Variants in ZNF804A observed in about 807,000 individuals in gnomAD.
ZNF804A encodes the protein zinc finger protein 804A.
A neutral mutation model predicts 16.5 loss-of-function variants in ZNF804A; 2 were observed. That is an observed-to-expected ratio of 0.12 (90% confidence interval 0.05 to 0.38). ZNF804A has a LOEUF of 0.38. ZNF804A is among the 10% of genes least tolerant of loss of function. The pLI is 0.99. For synonymous variants in ZNF804A, 534 were observed against 489.6 expected (o/e 1.09, Z -1.20); for missense variants, 1,473 against 1,390.7 (o/e 1.06, Z -0.94).
chr2:184,662,620 A>G (rs933671275), intron 1 of ZNF804A, among the ~76,000 whole-genome samples: 1 of 152,206 alleles, frequency 6.6e-6, no homozygotes, highest in African/African-American at 2.4e-5. Flanking sequence ...GCTGGTGCTG[A>G]GGTTAACTTT....
At chr2:184,612,123 C>T (rs142406064) in intron 1 of ZNF804A, among the ~76,000 whole-genome samples, 5 of 151,860 alleles carry the variant, frequency 3.3e-5, no homozygotes, top group African/African-American at 7.2e-5. Flanking sequence ...ACATTATTAA[C>T]CAAAATAAAG....
At chr2:184,678,689 C>A (rs566350601) in intron 1 of ZNF804A, among the ~76,000 whole-genome samples, 1 of 152,204 alleles carries the variant, frequency 6.6e-6, no homozygotes, top group South Asian at 2.1e-4. Context: ...CTAAGTATAG[C>A]CCACCTCAAA....
At chr2:184,838,041 A>G (rs111463586) in intron 1 of ZNF804A, among the ~76,000 whole-genome samples, 5 of 152,146 alleles carry the variant, frequency 3.3e-5, no homozygotes, top group African/African-American at 1.2e-4. Context: ...GCCCAGAAAA[A>G]GAGAGAACAT....
intron 1 of ZNF804A, among the ~76,000 whole-genome samples, chr2:184,757,411 A>G (rs1178933124): frequency 6.6e-6 from 1 of 151,884 alleles, no homozygotes; most frequent in South Asian, 2.1e-4. Flanking sequence ...TGCTTGAATT[A>G]TTGCAACTAT....
intron 2 of ZNF804A, among the ~76,000 whole-genome samples, chr2:184,926,228 C>T (rs1160266857): frequency 6.6e-6 from 1 of 151,952 alleles, no homozygotes; most frequent in Non-Finnish European, 1.5e-5. Context: ...GGGAAAGTTG[C>T]TATTTCTCCT....
chr2:184,770,741 A>C (rs890759155), intron 1 of ZNF804A, among the ~76,000 whole-genome samples: 18 of 152,050 alleles, frequency 1.2e-4, no homozygotes, highest in African/African-American at 4.1e-4. Context: ...CCACTACCAA[A>C]TATCTAAAAT....
intron 1 of ZNF804A, among the ~76,000 whole-genome samples, chr2:184,782,196 G>C (rs1446061688): frequency 2.0e-5 from 3 of 151,658 alleles, no homozygotes; most frequent in Non-Finnish European, 4.4e-5. Flanking sequence ...ACACCATTTA[G>C]CTTATAGCAG....
intron 2 of ZNF804A, among the ~76,000 whole-genome samples, chr2:184,917,937 C>A (rs182921602): frequency 2.8e-4 from 42 of 152,182 alleles, no homozygotes; most frequent in Admixed American, 2.6e-3. Context: ...TTACCCACTC[C>A]CTTTATCCTC....
chr2:184,603,777 C>T (rs899883084), intron 1 of ZNF804A, among the ~76,000 whole-genome samples: 1 of 152,150 alleles, frequency 6.6e-6, no homozygotes, highest in African/African-American at 2.4e-5. Context: ...ATTATATATT[C>T]TTCCAAATTT....
intron 1 of ZNF804A, among the ~76,000 whole-genome samples, chr2:184,692,153 T>C (rs371567722): frequency 6.6e-6 from 1 of 152,196 alleles, no homozygotes; most frequent in Admixed American, 6.5e-5. Context: ...TTATAAATAT[T>C]AACTAGTGTG....
chr2:184,713,822 G>T (rs1314584524), intron 1 of ZNF804A, among the ~76,000 whole-genome samples: 1 of 151,932 alleles, frequency 6.6e-6, no homozygotes, highest in African/African-American at 2.4e-5. Context: ...ACAAGGCAAA[G>T]AAAATTTGTC....
At chr2:184,606,108 A>G (rs1329229721) in intron 1 of ZNF804A, among the ~76,000 whole-genome samples, 1 of 152,204 alleles carries the variant, frequency 6.6e-6, no homozygotes, top group Non-Finnish European at 1.5e-5. Context: ...GTATTAGGAA[A>G]ATTACCTGTA....
intron 1 of ZNF804A, among the ~76,000 whole-genome samples, chr2:184,794,944 A>G (rs1300596057): frequency 1.3e-5 from 2 of 152,162 alleles, no homozygotes; most frequent in African/African-American, 2.4e-5. Flanking sequence ...AGACCTAAGA[A>G]GTGAGATAGA....
At chr2:184,672,338 G>A (rs1362208295) in intron 1 of ZNF804A, among the ~76,000 whole-genome samples, 6 of 152,186 alleles carry the variant, frequency 3.9e-5, no homozygotes, top group Non-Finnish European at 7.3e-5. Context: ...GAAGAAACTG[G>A]AGAGGTCCTC....
intron 1 of ZNF804A, among the ~76,000 whole-genome samples, chr2:184,711,579 A>T (rs1693126589): frequency 6.6e-6 from 1 of 151,578 alleles, no homozygotes; most frequent in Admixed American, 6.6e-5. Flanking sequence ...AAAATTGCTT[A>T]GTCTAATGCC....
chr2:184,854,914 T>C (rs1348629217), intron 1 of ZNF804A, among the ~76,000 whole-genome samples: 1 of 152,046 alleles, frequency 6.6e-6, no homozygotes, highest in African/African-American at 2.4e-5. Flanking sequence ...TTCAACAGAA[T>C]GGTTGCAGCA....
chr2:184,638,647 T>C (rs1051286228), intron 1 of ZNF804A, among the ~76,000 whole-genome samples: 50 of 152,226 alleles, frequency 3.3e-4, no homozygotes, highest in Non-Finnish European at 1.5e-4. Flanking sequence ...TATATAACCT[T>C]AAGTGGCTTT....
intron 1 of ZNF804A, among the ~76,000 whole-genome samples, chr2:184,636,420 G>T: frequency 8.4e-6 from 1 of 118,694 alleles, no homozygotes; most frequent in Non-Finnish European, 1.7e-5. Flanking sequence ...ACTGGCTCTA[G>T]GGCTGTGTGT....
In ZNF804A at chr2:184,938,509, T is replaced by A; in HGVS notation, c.3113T>A (p.Leu1038Gln). 6.2e-7 allele frequency: 1 copy of A among 1,614,040 alleles called. No individual in the cohort carries two copies. The highest frequency in any genetic ancestry group is 8.5e-7 in the Non-Finnish European group (1 of 1,179,980). ...CCAGAGCAAGCATTATTGATCCCAC[T>A]AGAAAACCATGACAAATTCAAAAAT... is the stretch of plus-strand genomic sequence containing the variant. Reference protein sequence around the residue: ...ALPEQALLIPLENHDKFKNVP... With the variant: ...ALPEQALLIPQENHDKFKNVP... The change falls in exon 4 of 4, where the codon CTA (leucine) becomes CAA (glutamine). Residue 1038 changes from leucine to glutamine, a missense_variant. Leu to Gln is a moderately radical substitution (Grantham distance 113). Transcript: ENST00000302277.
Sources: gnomAD v4.1 joint callset for allele counts (sites outside exome capture counted in the v4.1 genomes callset) on GRCh38, gnomAD v4.1.1 for gene constraint, MANE v1.5 for transcripts, NCBI Gene and HGNC (gene_info 2026-07-23, HGNC 2026-07-21) for gene names.